The following ZNF292 variants were observed in gnomAD, a reference collection of about 807,000 sequenced individuals.
ZNF292 encodes zinc finger protein 292.
A neutral mutation model predicts 217.9 loss-of-function variants in ZNF292; 26 were observed. That is an observed-to-expected ratio of 0.12 (90% confidence interval 0.09 to 0.17). The LOEUF is 0.17. Among genes scored for constraint, ZNF292 ranks in the 10% least tolerant of loss-of-function variants. The probability of loss-of-function intolerance (pLI) is 1.00; values close to 1 mark genes in which losing one functional copy is unlikely to be tolerated. For synonymous variants in ZNF292, 1,257 were observed against 1,124.1 expected (o/e 1.12, Z -2.37); for missense variants, 2,904 against 3,175.2 (o/e 0.91, Z 2.05).
rs2127877740 is a variant in ZNF292 at position 87,261,594 on chromosome 6, C to T, written c.7965C>T (p.Ala2655=). The T allele has an allele frequency of 1.9e-6, 3 of 1,610,836 alleles. No homozygotes were observed. The East Asian group carries it at 6.7e-5, about 36-fold the overall frequency. The change falls in exon 8 of 8, where the codon GCC becomes GCT. Residue 2655 remains alanine (A), a synonymous_variant. Transcript: ENST00000369577. The stretch of plus-strand genomic sequence containing the variant: ...AAAGCGAAACGTTTGTACAGTTTGC[C>T]AATCCATCACAGCTTCAGTGCAGTG... ...CKESETFVQF[A]NPSQLQCSDN...
At position 87,237,394 on chromosome 6, in the gene ZNF292, G is replaced by A. The variant is rs527702089; in HGVS notation, c.741+3867G>A. Among the ~76,000 whole-genome samples the A allele has an allele frequency of 1.8e-4, 28 of 152,036 alleles. No homozygotes were observed. In the South Asian group the frequency reaches 5.2e-3, roughly 28 times the overall value. ...GTAGCTGGGACTACAGGTGCACGCCGCCATGCCTGGCTAATTTTTTGTATT... is the reference window on the plus strand; with the variant it reads ...GTAGCTGGGACTACAGGTGCACGCCACCATGCCTGGCTAATTTTTTGTATT... On this transcript the variant is annotated intron_variant, in intron 5 of 7. Transcript: ENST00000369577.
Position 87,261,123 on chromosome 6 carries a change from A to G in ZNF292, c.7494A>G (p.Thr2498=), listed in dbSNP as rs375877974. 2 of 1,612,638 alleles carry G rather than the reference A, an allele frequency of 1.2e-6. No individual in the cohort carries two copies. The highest frequency in any genetic ancestry group is 2.7e-5 in the African/African-American group (2 of 74,878). The change falls in exon 8 of 8, where the codon ACA becomes ACG. Residue 2498 remains threonine, a synonymous_variant. Transcript: ENST00000369577. Reference sequence around the variant, plus strand: ...CAAAATTAATAAATGAAGATAGCACAAGTGTAGAGACCCAAGCTAATACTT... The same window carrying G: ...CAAAATTAATAAATGAAGATAGCACGAGTGTAGAGACCCAAGCTAATACTT... ...FITKLINEDS[T]SVETQANTSS... is the part of the protein sequence containing the mutation.
At position 87,227,478 on chromosome 6, in the gene ZNF292, T is replaced by C. The variant is rs145158132; in HGVS notation, c.539-5847T>C. On this transcript the variant is annotated intron_variant, in intron 4 of 7. Coordinates refer to ENST00000369577, the MANE Select transcript of ZNF292 (RefSeq NM_015021.3). ...CACACACAAGATAAAATGTACCGTC[T>C]TAACTGTTTTTAAGTTTGGTAATGT... Among the ~76,000 whole-genome samples the C allele has an allele frequency of 1.7e-4, 26 of 152,314 alleles. 1 individual carries two copies. The highest frequency in any genetic ancestry group is 2.6e-4 in the African/African-American group (11 of 41,566).
At chr6:87,164,929 A>ATTT (rs71554705) in intron 1 of ZNF292, among the ~76,000 whole-genome samples, 2 of 141,972 alleles carry the variant, frequency 1.4e-5, no homozygotes, top group African/African-American at 5.2e-5. Flanking sequence ...TGCCCGTCTA[A>ATTT]TTTTTTTTTT....
chr6:87,158,762 CAATT>C (rs1243764303), intron 1 of ZNF292, among the ~76,000 whole-genome samples: 3 of 152,178 alleles, frequency 2.0e-5, no homozygotes, highest in Non-Finnish European at 2.9e-5. Context: ...CAATGGTTAA[CAATT>C]AAAGAATTTA....
intron 1 of ZNF292, among the ~76,000 whole-genome samples, chr6:87,214,608 C>A (rs140664898): frequency 3.9e-5 from 6 of 152,110 alleles, no homozygotes; most frequent in Admixed American, 1.3e-4. Context: ...GAGTATCCCC[C>A]GACACCCCAT....
In ZNF292 at chr6:87,207,187, T is replaced by C. The variant is rs563030195; in HGVS notation, c.169-8716T>C. ...TCACCTAATGTTTCCCACCAAAAAA[T>C]AGTACATAAGCAAATGAGAAATTCT... On this transcript the variant is annotated intron_variant, in intron 1 of 7. Coordinates refer to ENST00000369577, the MANE Select transcript of ZNF292 (RefSeq NM_015021.3). 9.6e-4 allele frequency among the ~76,000 whole-genome samples: 146 copies of C among 152,342 alleles called. 1 individual carries two copies. The highest frequency in any genetic ancestry group is 3.2e-3 in the African/African-American group (135 of 41,582).
At chr6:87,202,844 CTT>C (rs1201318114) in intron 1 of ZNF292, among the ~76,000 whole-genome samples, 3 of 150,916 alleles carry the variant, frequency 2.0e-5, no homozygotes, top group African/African-American at 7.3e-5. Flanking sequence ...ATTCACATAA[CTT>C]TCATTAATAC....
chr6:87,169,128 C>T (rs895015769), intron 1 of ZNF292, among the ~76,000 whole-genome samples: 3 of 151,940 alleles, frequency 2.0e-5, no homozygotes, highest in East Asian at 1.9e-4. Flanking sequence ...CTGCAGCCTC[C>T]GCCTCCCGGG....
chr6:87,226,867 A>G (rs574920315), intron 4 of ZNF292, among the ~76,000 whole-genome samples: 3 of 151,698 alleles, frequency 2.0e-5, no homozygotes, highest in East Asian at 1.9e-4. Flanking sequence ...TTTAGTGGAG[A>G]CGGGGTTTCA....
In ZNF292 at chr6:87,245,640, C is replaced by A; in HGVS notation, c.1016C>A (p.Ser339Ter). 6.8e-7 allele frequency: 1 copy of A among 1,473,276 alleles called. No homozygotes were observed. Among genetic ancestry groups the A allele is most frequent in the Non-Finnish European group, 9.2e-7 (1 of 1,081,192 alleles). The allele number at this position is 1,473,276 out of a possible 1,614,324, so 91.3% of individuals were successfully genotyped here. A position where few individuals can be genotyped will look rare whatever the true frequency, so the allele number is the denominator to read the frequency against. ...TTCTTCCTGATTAAAGTTATTAATT[C>A]AGAGGTAAGAATAATCAGAATATTT... The part of the protein sequence containing the change: ...HIFFLIKVIN[S>*]ETEGAGLATC... Residue 339 changes from serine to a stop codon, truncating the protein, a stop_gained, in exon 7 of 8, where the codon TCA (serine) becomes TAA (stop). Transcript: ENST00000369577. LOFTEE classifies it high-confidence loss of function.
chr6:87,157,420 A>G (rs1399030920), intron 1 of ZNF292, among the ~76,000 whole-genome samples: 1 of 152,224 alleles, frequency 6.6e-6, no homozygotes, highest in East Asian at 1.9e-4. Flanking sequence ...TAAGATACCC[A>G]TAATAGGAAG....
intron 1 of ZNF292, among the ~76,000 whole-genome samples, chr6:87,183,625 G>C (rs1771538847): frequency 6.6e-6 from 1 of 152,060 alleles, no homozygotes; most frequent in Non-Finnish European, 1.5e-5. Context: ...GGGGATTTGA[G>C]AATCATAAAA....
At chr6:87,236,998 A>G (rs976113594) in intron 5 of ZNF292, among the ~76,000 whole-genome samples, 2 of 152,224 alleles carry the variant, frequency 1.3e-5, no homozygotes, top group African/African-American at 2.4e-5. Context: ...GCTGGATCAA[A>G]GAATCAACAC....
rs138827311 is a variant in ZNF292 at position 87,228,592 on chromosome 6, A to G, written c.539-4733A>G. Among the ~76,000 whole-genome samples, 547 of 152,144 alleles carry G rather than the reference A, an allele frequency of 3.6e-3. 2 individuals carry two copies. The highest frequency in any genetic ancestry group is 0.013 in the African/African-American group (526 of 41,476). ...TCATCTAAGTCTTTAATCCGTTTTGAGTTAATGTTTGTATATGGTGCAGGA... is the reference window on the plus strand; with the variant it reads ...TCATCTAAGTCTTTAATCCGTTTTGGGTTAATGTTTGTATATGGTGCAGGA... On this transcript the variant is annotated intron_variant, in intron 4 of 7. Coordinates refer to ENST00000369577, the MANE Select transcript of ZNF292 (RefSeq NM_015021.3).
intron 1 of ZNF292, among the ~76,000 whole-genome samples, chr6:87,193,562 G>T (rs1029345945): frequency 1.3e-4 from 20 of 151,518 alleles, no homozygotes; most frequent in African/African-American, 4.6e-4. Flanking sequence ...AAAAATGCAG[G>T]CGCAACACAG....
At chr6:87,229,266 T>C (rs899838928) in intron 4 of ZNF292, among the ~76,000 whole-genome samples, 9 of 152,250 alleles carry the variant, frequency 5.9e-5, no homozygotes, top group African/African-American at 2.2e-4. Flanking sequence ...TTTTTATATC[T>C]TGCAGCTTTA....
At position 87,259,846 on chromosome 6, in the gene ZNF292, A is replaced by G; in HGVS notation, c.6217A>G (p.Thr2073Ala). 1.9e-6 allele frequency: 3 copies of G among 1,613,254 alleles called. No individual in the cohort carries two copies. Among genetic ancestry groups the G allele is most frequent in the Middle Eastern group, 3.3e-4 (2 of 6,060 alleles). Residue 2073 changes from threonine (T) to alanine (A), a missense_variant, in exon 8 of 8, where the codon ACA (threonine) becomes GCA (alanine). Thr to Ala is a moderately conservative substitution (Grantham distance 58). Around this residue, in one of 15 missense-constraint regions of ZNF292, gnomAD observed 261 missense variants for 272.8 expected, o/e 0.96. Transcript: ENST00000369577. Reference protein sequence around the residue: ...TSEQCNTNALTNTQTKGRKIR... With the variant: ...TSEQCNTNALANTQTKGRKIR... The stretch of plus-strand genomic sequence containing the variant: ...AGAACAATGTAATACAAATGCACTC[A>G]CAAACACACAAACCAAAGGACGGAA...
chr6:87,261,271 GA>G lies in ZNF292; in HGVS notation c.7647del (p.Ala2550LeufsTer9). The G allele has an allele frequency of 6.2e-7, 1 of 1,611,234 alleles. No homozygotes were observed. The highest frequency in any genetic ancestry group is 8.5e-7 in the Non-Finnish European group (1 of 1,179,184). Reference sequence around the variant, plus strand: ...CTCACAAAATAAAAAAAGGAAAGTTGAAAAAGCTGAACCAGCATCAGCAGCT... The same window carrying G: ...CTCACAAAATAAAAAAAGGAAAGTTGAAAAGCTGAACCAGCATCAGCAGCT... ...NVSQNKKRKV[E>X]KAEPASAAEL... On this transcript the variant is annotated frameshift_variant, in exon 8 of 8. Transcript: ENST00000369577. LOFTEE classifies it high-confidence loss of function.
Sources: allele counts gnomAD v4.1 joint callset (sites outside exome capture counted in the v4.1 genomes callset), GRCh38; gene constraint gnomAD v4.1.1; regional missense constraint gnomAD v4.1.1; transcripts MANE v1.5; gene names NCBI Gene and HGNC (gene_info 2026-07-23, HGNC 2026-07-21).